The following BTBD7 variants were observed in gnomAD, a reference collection of about 807,000 sequenced individuals.
BTBD7 encodes BTB domain containing 7, also known as BTB/POZ domain-containing protein 7.
Under a neutral mutation model 99.9 loss-of-function variants are expected in BTBD7, and 38 were observed. That is an observed-to-expected ratio of 0.38 (90% CI 0.29 to 0.50). The LOEUF is 0.50. Among genes scored for constraint, BTBD7 ranks in the 20% least tolerant of loss-of-function variants. The pLI, the probability that BTBD7 is intolerant of heterozygous loss-of-function variation, is 0.93. For missense variants in BTBD7, 1,170 were observed against 1,394.6 expected, an observed-to-expected ratio of 0.84 and a Z score of 2.57; for synonymous variants, 520 against 511.4, an observed-to-expected ratio of 1.02 and a Z score of -0.23.
At chr14:93,325,678 T>G (rs1329500796) in intron 1 of BTBD7, among the ~76,000 whole-genome samples, 3 of 152,208 alleles carry the variant, frequency 2.0e-5, no homozygotes, top group African/African-American at 7.2e-5. Context: ...GTGACTTGCT[T>G]TAAGATCATA....
chr14:93,317,394 G>A (rs2053220220), intron 1 of BTBD7, among the ~76,000 whole-genome samples: 1 of 151,148 alleles, frequency 6.6e-6, no homozygotes, highest in African/African-American at 2.4e-5. Context: ...AACAGGGTTT[G>A]GTATGTCGCC....
At chr14:93,265,037 T>C (rs12879478) in intron 3 of BTBD7, among the ~76,000 whole-genome samples, 58,395 of 151,988 alleles carry the variant, frequency 0.38, 12,395 homozygotes, top group African/African-American at 0.58. Context: ...TGCAGTGAGC[T>C]GAAATTATGT....
intron 1 of BTBD7, among the ~76,000 whole-genome samples, chr14:93,321,372 C>T (rs1194964039): frequency 1.3e-5 from 2 of 152,138 alleles, no homozygotes; most frequent in African/African-American, 2.4e-5. Context: ...GCGGGTGGAT[C>T]GCTTGAGGTC....
At position 93,257,300 on chromosome 14, in the gene BTBD7, T is replaced by G. The variant is rs771918662; in HGVS notation, c.1503A>C (p.Arg501Ser). ...AHSVNKRGVK[R>S]RDLDMEELRE... is the part of the protein sequence containing the mutation. ...TGAGCTCTTCCATGTCCAGGTCCCG[T>G]CTTTTTACACCTCTTTTGTTCACAC... Residue 501 changes from arginine (R) to serine (S), a missense_variant, in exon 6 of 11, where the codon AGA (arginine) becomes AGC (serine). Arg to Ser is a moderately radical substitution (Grantham distance 110, BLOSUM62 -1). This residue lies in a region of BTBD7 where 309 missense variants were observed against 342.0 expected (regional missense o/e 0.90). Transcript: ENST00000334746. 1 of 1,614,106 alleles carries G rather than the reference T, an allele frequency of 6.2e-7. No individual in the cohort carries two copies. Among genetic ancestry groups the G allele is most frequent in the Admixed American group, 1.7e-5 (1 of 60,014 alleles).
chr14:93,326,544 A>G (rs1315769280), intron 1 of BTBD7, among the ~76,000 whole-genome samples: 3 of 152,182 alleles, frequency 2.0e-5, no homozygotes, highest in Non-Finnish European at 4.4e-5. Flanking sequence ...GCTCACGCCT[A>G]TAATCCCAGC....
In BTBD7 at chr14:93,275,860, C is replaced by A. The variant is rs186540658; in HGVS notation, c.1163-11867G>T. Among the ~76,000 whole-genome samples the A allele has an allele frequency of 4.6e-5, 7 of 152,342 alleles. No individual in the cohort carries two copies. The East Asian group carries it at 1.3e-3, about 29-fold the overall frequency. Reference sequence around the variant, plus strand: ...TGTGGTCTGCTGTTTACTGAATCATCATTATGTGGTACATGACCATTTATC... The same window carrying A: ...TGTGGTCTGCTGTTTACTGAATCATAATTATGTGGTACATGACCATTTATC... On this transcript the variant is annotated intron_variant, in intron 3 of 10. Coordinates refer to ENST00000334746, the MANE Select transcript of BTBD7 (RefSeq NM_001002860.4).
At chr14:93,281,124 C>T (rs1298938360) in intron 3 of BTBD7, among the ~76,000 whole-genome samples, 1 of 151,938 alleles carries the variant, frequency 6.6e-6, no homozygotes, top group Non-Finnish European at 1.5e-5. Flanking sequence ...CTTCAGCCTC[C>T]CAAAGAGCTG....
At position 93,298,343 on chromosome 14, in the gene BTBD7, T is replaced by C. The variant is rs148151952; in HGVS notation, c.-106-2186A>G. ...ATCCCAAATCTGAAATGCTCCAAAA[T>C]CCAATACTTTTTGAGTGCTGACAGG... On this transcript the variant is annotated intron_variant, in intron 1 of 10. Transcript: ENST00000334746. 5.9e-3 allele frequency among the ~76,000 whole-genome samples: 892 copies of C among 152,288 alleles called. 12 individuals carry two copies. The highest frequency in any genetic ancestry group is 0.051 in the Middle Eastern group (15 of 294).
chr14:93,275,897 G>GT (rs1160957397), intron 3 of BTBD7, among the ~76,000 whole-genome samples: 2 of 152,138 alleles, frequency 1.3e-5, no homozygotes, highest in East Asian at 3.9e-4. Flanking sequence ...ACATAGAAAC[G>GT]TATCTTTCAA....
chr14:93,293,710 C>T, intron 3 of BTBD7, 148 bp downstream of exon 3: 1 of 963,480 alleles, frequency 1.0e-6, no homozygotes, highest in Non-Finnish European at 1.5e-6. Context: ...GACCCTCAAT[C>T]TGTCTCAGAT....
chr14:93,254,763 T>C (rs2052410986), intron 6 of BTBD7, among the ~76,000 whole-genome samples: 1 of 152,156 alleles, frequency 6.6e-6, no homozygotes, highest in Non-Finnish European at 1.5e-5. Context: ...ATGAGGGCAA[T>C]GCAGATGAAA....
chr14:93,288,295 C>A, intron 3 of BTBD7: 1 of 571,436 alleles, frequency 1.7e-6, no homozygotes, highest in Non-Finnish European at 3.1e-6. Context: ...GATGTTAGAC[C>A]CTGGATGAAT....
intron 3 of BTBD7, among the ~76,000 whole-genome samples, chr14:93,279,404 A>C (rs2052692327): frequency 6.6e-6 from 1 of 151,946 alleles, no homozygotes; most frequent in Admixed American, 6.6e-5. Context: ...ATTGTCTGGG[A>C]AGTTTCTGAT....
chr14:93,282,718 C>G (rs2052735195), intron 3 of BTBD7, among the ~76,000 whole-genome samples: 1 of 152,124 alleles, frequency 6.6e-6, no homozygotes, highest in Admixed American at 6.5e-5. Context: ...GAGGTTCTTC[C>G]TTCCTTCTGT....
At chr14:93,248,961 T>C (rs2052342869) in intron 8 of BTBD7, among the ~76,000 whole-genome samples, 1 of 152,194 alleles carries the variant, frequency 6.6e-6, no homozygotes, top group Non-Finnish European at 1.5e-5. Context: ...TCAGAAGTCT[T>C]TAAATATATT....
chr14:93,264,076 A>G, intron 3 of BTBD7, 83 bp from the exon 4 acceptor site: 1 of 1,247,786 alleles, frequency 8.0e-7, no homozygotes, highest in Non-Finnish European at 1.1e-6. Flanking sequence ...GATATTTAAA[A>G]GTCACAATAG....
chr14:93,269,674 A>G (rs1788247100), intron 3 of BTBD7, among the ~76,000 whole-genome samples: 1 of 152,236 alleles, frequency 6.6e-6, no homozygotes, highest in Admixed American at 6.5e-5. Flanking sequence ...AAAATTCAGC[A>G]AAAACACCGC....
intron 9 of BTBD7, 136 bp from the exon 10 acceptor site, chr14:93,246,422 C>G (rs989552691): frequency 9.5e-7 from 1 of 1,047,536 alleles, no homozygotes; most frequent in Non-Finnish European, 1.3e-6. Flanking sequence ...ATATATTTTT[C>G]TAGGCCAGAA....
chr14:93,270,632 T>C (rs182219850), intron 3 of BTBD7, among the ~76,000 whole-genome samples: 25 of 151,608 alleles, frequency 1.6e-4, no homozygotes, highest in East Asian at 1.2e-3. Flanking sequence ...GAGGCAGAGG[T>C]TGCAGTGAGC....
Sources: gnomAD v4.1 joint callset for allele counts (sites outside exome capture counted in the v4.1 genomes callset) on GRCh38, gnomAD v4.1.1 for gene constraint, gnomAD v4.1.1 regional missense constraint, MANE v1.5 for transcripts, NCBI Gene and HGNC (gene_info 2026-07-23, HGNC 2026-07-21) for gene names.